Variants in PPP1R9A observed in about 807,000 individuals in gnomAD.
The protein encoded by PPP1R9A is neurabin-1.
In PPP1R9A, 59 loss-of-function variants were observed where a neutral mutation model predicts 141.9. The observed-to-expected ratio is 0.42, with a 90% CI of 0.34 to 0.52. PPP1R9A has a LOEUF of 0.52. Ranked by LOEUF, PPP1R9A falls within the 20% of genes least tolerant of loss-of-function variation. PPP1R9A has a pLI of 0.10. For missense variants in PPP1R9A, 1,444 were observed against 1,611.9 expected (o/e 0.90, Z 1.78); for synonymous variants, 500 against 569.7 (o/e 0.88, Z 1.74).
At chr7:95,089,735 G>A (rs1313703810) in intron 2 of PPP1R9A, among the ~76,000 whole-genome samples, 1 of 143,760 alleles carries the variant, frequency 7.0e-6, no homozygotes, top group Non-Finnish European at 1.5e-5. Context: ...TTTTTTTTCT[G>A]AATTAAACTA....
chr7:95,075,689 T>C (rs1162295086), intron 2 of PPP1R9A, among the ~76,000 whole-genome samples: 2 of 151,908 alleles, frequency 1.3e-5, no homozygotes, highest in East Asian at 1.9e-4. Context: ...CAAAAAAAAT[T>C]AGCCTGGTGT....
intron 2 of PPP1R9A, among the ~76,000 whole-genome samples, chr7:95,031,119 A>G (rs938817989): frequency 6.6e-6 from 1 of 152,160 alleles, no homozygotes; most frequent in African/African-American, 2.4e-5. Context: ...GAATGTGTCT[A>G]CCCAAAACTG....
intron 2 of PPP1R9A, among the ~76,000 whole-genome samples, chr7:94,996,759 A>T (rs1802222857): frequency 6.6e-6 from 1 of 150,608 alleles, no homozygotes; most frequent in Admixed American, 6.6e-5. Context: ...AGTGTGTTAA[A>T]ATTTACTGTA....
At chr7:94,963,530 A>G (rs73423095) in intron 2 of PPP1R9A, among the ~76,000 whole-genome samples, 3,767 of 152,192 alleles carry the variant, frequency 0.025, 173 homozygotes, top group African/African-American at 0.086. Context: ...CATTTTATGT[A>G]AATAGAATCA....
chr7:95,015,039 A>G (rs1804903283), intron 2 of PPP1R9A, among the ~76,000 whole-genome samples: 1 of 152,028 alleles, frequency 6.6e-6, no homozygotes, highest in Admixed American at 6.6e-5. Flanking sequence ...GACTCATTGT[A>G]TACGGATCTC....
intron 2 of PPP1R9A, among the ~76,000 whole-genome samples, chr7:94,949,135 C>A (rs539367857): frequency 1.3e-5 from 2 of 152,220 alleles, no homozygotes; most frequent in South Asian, 4.2e-4. Context: ...CCATTTCTAT[C>A]CAGTTTTGAT....
chr7:95,027,894 C>T (rs992870312), intron 2 of PPP1R9A, among the ~76,000 whole-genome samples: 1 of 152,074 alleles, frequency 6.6e-6, no homozygotes, highest in Non-Finnish European at 1.5e-5. Context: ...CAGCCAAAAC[C>T]TCTTTATGCT....
intron 16 of PPP1R9A, 86 bp downstream of exon 16, chr7:95,274,254 A>G (rs1201313910): frequency 8.2e-7 from 1 of 1,213,336 alleles, no homozygotes; most frequent in Non-Finnish European, 1.1e-6. Context: ...ATCAGTGGTC[A>G]GTATCTTTGA....
intron 5 of PPP1R9A, among the ~76,000 whole-genome samples, chr7:95,163,926 C>G (rs899484972): frequency 1.3e-5 from 2 of 152,128 alleles, no homozygotes; most frequent in African/African-American, 4.8e-5. Context: ...TTAGTAGAGA[C>G]AGGGTTTTGC....
chr7:95,168,721 G>A (rs952865944), intron 5 of PPP1R9A, among the ~76,000 whole-genome samples: 3 of 151,940 alleles, frequency 2.0e-5, no homozygotes, highest in African/African-American at 4.8e-5. Flanking sequence ...TTAAAAAGTC[G>A]GCAAAGGATA....
At chr7:95,258,376 C>G (rs1045010836) in intron 12 of PPP1R9A, among the ~76,000 whole-genome samples, 6 of 152,050 alleles carry the variant, frequency 3.9e-5, no homozygotes, top group Non-Finnish European at 8.8e-5. Context: ...TTGTTTTTTT[C>G]TTGTAAATTT....
At position 94,981,168 on chromosome 7, in the gene PPP1R9A, A is replaced by C. The variant is rs1258681644; in HGVS notation, c.1395+69660A>C. Among the ~76,000 whole-genome samples, 4 of 152,266 alleles carry C rather than the reference A, an allele frequency of 2.6e-5. No homozygotes were observed. In the East Asian group the frequency reaches 7.7e-4, roughly 29 times the overall value. ...TTAGGTTTTTGGTCTCAGATGTCACATTCTTTCTGTTGAGTAGGGTACCCT... is the reference window on the plus strand; with the variant it reads ...TTAGGTTTTTGGTCTCAGATGTCACCTTCTTTCTGTTGAGTAGGGTACCCT... On this transcript the variant is annotated intron_variant, in intron 2 of 19. Transcript: ENST00000433360.
chr7:94,956,628 G>A (rs1042046176), intron 2 of PPP1R9A, among the ~76,000 whole-genome samples: 10 of 152,006 alleles, frequency 6.6e-5, no homozygotes, highest in African/African-American at 2.4e-4. Flanking sequence ...GTTGGAGGCT[G>A]GCTTAGGAGT....
intron 2 of PPP1R9A, among the ~76,000 whole-genome samples, chr7:95,065,412 T>C (rs1189829302): frequency 9.0e-6 from 1 of 111,488 alleles, no homozygotes; most frequent in Non-Finnish European, 1.9e-5. Context: ...CACCTTTTTC[T>C]AGATAGCTAG....
At chr7:95,045,717 C>T (rs1809915964) in intron 2 of PPP1R9A, among the ~76,000 whole-genome samples, 1 of 152,144 alleles carries the variant, frequency 6.6e-6, no homozygotes, top group Non-Finnish European at 1.5e-5. Flanking sequence ...CTGATGGTTG[C>T]CTGACATTTC....
chr7:95,183,870 C>T (rs1834244359), intron 5 of PPP1R9A, among the ~76,000 whole-genome samples: 1 of 150,698 alleles, frequency 6.6e-6, no homozygotes, highest in South Asian at 2.1e-4. Flanking sequence ...TTATTTTATT[C>T]TATTTTATTT....
chr7:94,993,059 G>A (rs1801716851), intron 2 of PPP1R9A, among the ~76,000 whole-genome samples: 1 of 150,040 alleles, frequency 6.7e-6, no homozygotes, highest in African/African-American at 2.4e-5. Context: ...TTTTATGTAT[G>A]TTGAGAGGTA....
In PPP1R9A at chr7:95,263,458, G is replaced by A. The variant is rs1456555996; in HGVS notation, c.2666-5092G>A. On this transcript the variant is annotated intron_variant, in intron 12 of 19. Transcript: ENST00000433360. Reference sequence around the variant, plus strand: ...GTTGTTGTTGTTGTTGTTTTGAGACGGAGTCTTGCTCTGTCACCCATGCTG... The same window carrying A: ...GTTGTTGTTGTTGTTGTTTTGAGACAGAGTCTTGCTCTGTCACCCATGCTG... Among the ~76,000 whole-genome samples, 6 of 149,550 alleles carry A rather than the reference G, an allele frequency of 4.0e-5. No homozygotes were observed. The East Asian group carries it at 6.0e-4, about 15-fold the overall frequency.
At chr7:95,161,590 T>A (rs1830471102) in intron 4 of PPP1R9A, among the ~76,000 whole-genome samples, 1 of 152,210 alleles carries the variant, frequency 6.6e-6, no homozygotes, top group Non-Finnish European at 1.5e-5. Context: ...TGTAATACAA[T>A]GCAAATGCTG....
Sources: allele counts gnomAD v4.1 joint callset (sites outside exome capture counted in the v4.1 genomes callset), GRCh38; gene constraint gnomAD v4.1.1; transcripts MANE v1.5; gene names NCBI Gene and HGNC (gene_info 2026-07-23, HGNC 2026-07-21).